Variants in GFRA2 observed in about 807,000 individuals in gnomAD.
GFRA2 encodes the protein GDNF family receptor alpha-2.
GFRA2 carries 17 observed loss-of-function variants against 48.3 expected under a neutral mutation model. The ratio of observed to expected loss-of-function variants is 0.35; its 90% CI spans 0.24 to 0.53. The LOEUF is 0.53. GFRA2 is among the 20% of genes least tolerant of loss of function. GFRA2 has a pLI of 0.93. For synonymous variants in GFRA2, 305 were observed against 257.2 expected (o/e 1.19, Z -1.78); for missense variants, 660 against 637.3 (o/e 1.04, Z -0.38).
At chr8:21,715,023 G>A (rs1369412666) in intron 4 of GFRA2, among the ~76,000 whole-genome samples, 2 of 152,200 alleles carry the variant, frequency 1.3e-5, no homozygotes, top group Non-Finnish European at 2.9e-5. Context: ...GGTTAAGTGG[G>A]TTCAATGTGA....
chr8:21,811,669 G>A (rs1446169734), intron 1 of GFRA2, among the ~76,000 whole-genome samples: 3 of 151,358 alleles, frequency 2.0e-5, no homozygotes, highest in Non-Finnish European at 2.9e-5. Flanking sequence ...TCCTCCCCCC[G>A]CCTTCCCCAC....
rs1175116042 is a variant in GFRA2, at chr8:21,692,689, C to T, written c.*589G>A. On this transcript the variant is annotated 3_prime_UTR_variant, in exon 9 of 9. Coordinates refer to ENST00000524240, the MANE Select transcript of GFRA2 (RefSeq NM_001495.5). ...AGCACGGTGCGAACCCCCTCCACCG[C>T]CATCCGTGGGGAAGTTCCCACACCA... is the stretch of plus-strand genomic sequence containing the variant. The T allele has an allele frequency of 6.6e-6, 1 of 152,422 alleles. No individual in the cohort carries two copies. The highest frequency in any genetic ancestry group is 1.5e-5 in the Non-Finnish European group (1 of 68,198). The allele number at this position is 152,422 out of a possible 1,614,324, so 9.4% of individuals were successfully genotyped here.
chr8:21,758,206 CA>C (rs1223824256), intron 3 of GFRA2, among the ~76,000 whole-genome samples: 2,729 of 47,510 alleles, frequency 0.057, 55 homozygotes, highest in Admixed American at 0.12. Context: ...GCCCACTCCC[CA>C]CACACACACA....
In GFRA2 at chr8:21,782,991, A is replaced by G. The variant is rs941086272; in HGVS notation, c.41-92T>C. The stretch of plus-strand genomic sequence containing the variant: ...CCTGGGGGCTTGGGCCCTGCTGGGA[A>G]CGTCACACCCATTTCGCCAAAGCAC... On this transcript the variant is annotated intron_variant, in intron 1 of 8. Coordinates refer to ENST00000524240, the MANE Select transcript of GFRA2 (RefSeq NM_001495.5). 2.4e-6 allele frequency: 3 copies of G among 1,232,034 alleles called. No individual in the cohort carries two copies. In the African/African-American group the frequency reaches 4.5e-5, roughly 18 times the overall value. The allele number at this position is 1,232,034 out of a possible 1,614,324, so 76.3% of individuals were successfully genotyped here.
chr8:21,713,203 T>C (rs1292955449), intron 4 of GFRA2, among the ~76,000 whole-genome samples: 1 of 152,178 alleles, frequency 6.6e-6, no homozygotes, highest in Non-Finnish European at 1.5e-5. Context: ...TGTTTTGTTT[T>C]GTTTTTGAGA....
intron 4 of GFRA2, among the ~76,000 whole-genome samples, chr8:21,718,423 G>C (rs1364279732): frequency 6.6e-6 from 1 of 152,220 alleles, no homozygotes; most frequent in African/African-American, 2.4e-5. Flanking sequence ...CTTATCAGCA[G>C]TGTGAAAACA....
chr8:21,702,957 CA>C lies in GFRA2; in HGVS notation c.1065del (p.Phe355LeufsTer7). ...GACACGTTCACGTCCGTGCCGTTGC[CA>C]AAGGCCTGGATGGCGTTCCCTGGGA... ...NPCLRNAIQA[F>X]GNGTDVNVSP... On this transcript the variant is annotated frameshift_variant, in exon 7 of 9. Transcript: ENST00000524240. LOFTEE classifies it high-confidence loss of function. 1 of 1,537,588 alleles carries C rather than the reference CA, an allele frequency of 6.5e-7. No homozygotes were observed. Among genetic ancestry groups the C allele is most frequent in the Non-Finnish European group, 8.7e-7 (1 of 1,148,822 alleles).
rs150638142 is a variant in GFRA2 at position 21,811,893 on chromosome 8, A to G, written c.-148+338T>C. 1.1e-3 allele frequency among the ~76,000 whole-genome samples: 169 copies of G among 152,342 alleles called. 1 individual carries two copies. The highest frequency in any genetic ancestry group is 3.9e-3 in the African/African-American group (161 of 41,582). Reference sequence around the variant, plus strand: ...CCATTTTCCCTGAGTTACAATTTACATAACTATGCTACATCAGGAAACTGA... The same window carrying G: ...CCATTTTCCCTGAGTTACAATTTACGTAACTATGCTACATCAGGAAACTGA... On this transcript the variant is annotated intron_variant, in intron 1 of 10. Coordinates refer to the GFRA2 transcript ENST00000517328.
At chr8:21,775,905 C>G (rs1806670593) in intron 2 of GFRA2, among the ~76,000 whole-genome samples, 1 of 152,178 alleles carries the variant, frequency 6.6e-6, no homozygotes, top group Non-Finnish European at 1.5e-5. Flanking sequence ...ATCCCACCCT[C>G]CTCTGCTGAG....
intron 2 of GFRA2, among the ~76,000 whole-genome samples, chr8:21,801,011 C>T (rs1184652982): frequency 1.3e-5 from 2 of 151,702 alleles, no homozygotes; most frequent in Non-Finnish European, 2.9e-5. Context: ...CTAAGGAGAA[C>T]AGGGAAGGAG....
At chr8:21,717,716 A>C (rs779458218) in intron 4 of GFRA2, among the ~76,000 whole-genome samples, 5 of 152,186 alleles carry the variant, frequency 3.3e-5, no homozygotes, top group African/African-American at 7.2e-5. Flanking sequence ...ATCTCAGAGA[A>C]GACCTGGCTA....
At chr8:21,768,602 C>A (rs1264728808) in intron 3 of GFRA2, among the ~76,000 whole-genome samples, 1 of 152,156 alleles carries the variant, frequency 6.6e-6, no homozygotes, top group Non-Finnish European at 1.5e-5. Flanking sequence ...AGGGAGCCGA[C>A]CCAGGGAAGG....
At position 21,691,239 on chromosome 8, in the gene GFRA2, T is replaced by C. The variant is rs1438289916; in HGVS notation, c.*2039A>G. On this transcript the variant is annotated 3_prime_UTR_variant, in exon 9 of 9. Coordinates refer to ENST00000524240, the MANE Select transcript of GFRA2 (RefSeq NM_001495.5). ...TCCATTCTCCCTCCTGCCATGGGTATATATTCACACGTGCACGTGAACATG... is the reference window on the plus strand; with the variant it reads ...TCCATTCTCCCTCCTGCCATGGGTACATATTCACACGTGCACGTGAACATG... 6.6e-6 allele frequency: 1 copy of C among 152,228 alleles called. No homozygotes were observed. The highest frequency in any genetic ancestry group is 1.5e-5 in the Non-Finnish European group (1 of 68,066). 9.4% of individuals were successfully genotyped at this position (152,228 alleles called of 1,614,324 possible). A position where few individuals can be genotyped will look rare whatever the true frequency, so the allele number is the denominator to read the frequency against.
intron 1 of GFRA2, among the ~76,000 whole-genome samples, chr8:21,786,223 G>A (rs1298970905): frequency 6.6e-6 from 1 of 152,156 alleles, no homozygotes; most frequent in Non-Finnish European, 1.5e-5. Context: ...CCCACCACGA[G>A]CAGGAACCCC....
At chr8:21,811,287 G>A (rs1220620446) in intron 1 of GFRA2, among the ~76,000 whole-genome samples, 1 of 152,134 alleles carries the variant, frequency 6.6e-6, no homozygotes, top group African/African-American at 2.4e-5. Context: ...CTTTGCATCG[G>A]CCAGAGCTGG....
intron 3 of GFRA2, among the ~76,000 whole-genome samples, chr8:21,751,321 G>A (rs1364951983): frequency 6.6e-6 from 1 of 152,154 alleles, no homozygotes; most frequent in Non-Finnish European, 1.5e-5. Flanking sequence ...ACAACGAGGG[G>A]GCCCCCGTGC....
At chr8:21,771,504 G>C (rs1806437119) in intron 3 of GFRA2, among the ~76,000 whole-genome samples, 1 of 152,210 alleles carries the variant, frequency 6.6e-6, no homozygotes, top group Non-Finnish European at 1.5e-5. Flanking sequence ...GGCCTGTCAG[G>C]CAGCACTGGG....
rs189769706 is a variant in GFRA2 at position 21,741,145 on chromosome 8, T to A, written c.794+9443A>T. ...TTGGCTTCAGAAGCTCCTTTCCAAC[T>A]GTACTCAGAAGTCCAAACTCCTTGC... On this transcript the variant is annotated intron_variant, in intron 4 of 8. Transcript: ENST00000524240. Among the ~76,000 whole-genome samples the A allele has an allele frequency of 1.2e-4, 18 of 152,304 alleles. No individual in the cohort carries two copies. The East Asian group carries it at 3.3e-3, about 28-fold the overall frequency.
intron 4 of GFRA2, among the ~76,000 whole-genome samples, chr8:21,736,175 C>A (rs552421041): frequency 6.6e-6 from 1 of 152,190 alleles, no homozygotes; most frequent in Non-Finnish European, 1.5e-5. Flanking sequence ...GGTCCAGACA[C>A]GCATTTCTTC....
Sources: allele counts gnomAD v4.1 joint callset (sites outside exome capture counted in the v4.1 genomes callset), GRCh38; gene constraint gnomAD v4.1.1; transcripts MANE v1.5; gene names NCBI Gene and HGNC (gene_info 2026-07-23, HGNC 2026-07-21).